Variants in AZIN2 observed in about 807,000 individuals in gnomAD.
AZIN2 encodes the protein antizyme inhibitor 2.
A neutral mutation model predicts 47.8 loss-of-function variants in AZIN2; 28 were observed. The observed-to-expected ratio is 0.59, with a 90% CI of 0.43 to 0.80. The LOEUF is 0.80. AZIN2 is among the 30% of genes least tolerant of loss of function. The pLI is 0.00. For synonymous variants in AZIN2, 221 were observed against 239.4 expected, an observed-to-expected ratio of 0.92 and a Z score of 0.71; for missense variants, 535 against 582.5, an observed-to-expected ratio of 0.92 and a Z score of 0.84.
the AZIN2 span, among the ~76,000 whole-genome samples, chr1:33,133,564 G>A: frequency 6.6e-6 from 1 of 152,034 alleles, no homozygotes; most frequent in Non-Finnish European, 1.5e-5. Flanking sequence ...GAGGAGAGCA[G>A]GGCCGGGATG....
At chr1:33,138,092 GCTCAGGGACTT>G in the AZIN2 span, among the ~76,000 whole-genome samples, 1 of 152,176 alleles carries the variant, frequency 6.6e-6, no homozygotes, top group Admixed American at 6.5e-5. Flanking sequence ...GGAGGCAAGT[GCTCAGGGACTT>G]CTCAGGGCAT....
chr1:33,147,736 G>T, the AZIN2 span: 2 of 1,604,726 alleles, frequency 1.2e-6, no homozygotes, highest in South Asian at 1.1e-5. This position sits in a 1 kb window ranked among gnomAD's most constrained non-coding sequence, Gnocchi z 8.1. Context: ...CACTGTGGGG[G>T]TTGGAGGAGG....
At chr1:33,127,858 C>T (rs1045694973), downstream of AZIN2, among the ~76,000 whole-genome samples, 7 of 152,106 alleles carry the variant, frequency 4.6e-5, no homozygotes, top group Non-Finnish European at 8.8e-5. Context: ...CCTGCTCTCG[C>T]CTTCACTCGC....
At chr1:33,136,676 G>A in the AZIN2 span, among the ~76,000 whole-genome samples, 2 of 151,700 alleles carry the variant, frequency 1.3e-5, no homozygotes, top group Non-Finnish European at 2.9e-5. Flanking sequence ...GGCCCCAGGG[G>A]CTGTTTCCGG....
At chr1:33,086,481 G>A (rs1040903612) in intron 5 of AZIN2, among the ~76,000 whole-genome samples, 5 of 152,190 alleles carry the variant, frequency 3.3e-5, no homozygotes, top group Non-Finnish European at 7.3e-5. Flanking sequence ...CCTTTGGTGC[G>A]CTTCTGGAGA....
intron 6 of AZIN2, 36 bp from the exon 7 acceptor site, chr1:33,093,246 G>A (rs762184670): frequency 6.2e-7 from 1 of 1,611,506 alleles, no homozygotes; most frequent in South Asian, 1.1e-5. Flanking sequence ...GGGCGACAGG[G>A]TTTGTCCAGC....
the AZIN2 span, among the ~76,000 whole-genome samples, chr1:33,144,174 T>G: frequency 1.3e-5 from 2 of 150,792 alleles, no homozygotes; most frequent in Non-Finnish European, 2.9e-5. Context: ...GTTTCGCTCT[T>G]TGCCCAGGCT....
At chr1:33,126,888 G>A (rs1270305680), downstream of AZIN2, among the ~76,000 whole-genome samples, 1 of 152,108 alleles carries the variant, frequency 6.6e-6, no homozygotes, top group Non-Finnish European at 1.5e-5. Flanking sequence ...ATTACTCGTC[G>A]TTTACCTGAA....
Position 33,101,963 on chromosome 1 carries a change from T to A in AZIN2, c.1029+3784T>A, listed in dbSNP as rs374030053. The A allele has an allele frequency of 3.0e-5, 22 of 736,812 alleles. No individual in the cohort carries two copies. The East Asian group carries it at 3.7e-4, about 12-fold the overall frequency. 45.6% of individuals were successfully genotyped at this position (736,812 alleles called of 1,614,324 possible). On this transcript the variant is annotated intron_variant, in intron 10 of 11. Transcript: ENST00000294517. The stretch of plus-strand genomic sequence containing the variant: ...TCAAGGCATTTGGACTGTCTTTGGG[T>A]TTTTGCTACTGTGAATACTGCTGCT...
At chr1:33,123,726 C>T (rs113017757), downstream of AZIN2, among the ~76,000 whole-genome samples, 86 of 151,940 alleles carry the variant, frequency 5.7e-4, no homozygotes, top group African/African-American at 1.9e-3. Flanking sequence ...TGGCAAGGAG[C>T]GGTGGCTTAC....
intron 8 of AZIN2, among the ~76,000 whole-genome samples, chr1:33,095,139 T>C (rs543809122): frequency 6.6e-6 from 1 of 152,334 alleles, no homozygotes; most frequent in Admixed American, 6.5e-5. Context: ...TTACCCACTG[T>C]GAGGTGAAGT....
the AZIN2 span, among the ~76,000 whole-genome samples, chr1:33,159,099 C>T: frequency 0.19 from 28,294 of 151,900 alleles, 3,119 homozygotes; most frequent in South Asian, 0.3. This position sits in a 1 kb window ranked among gnomAD's most constrained non-coding sequence, Gnocchi z 4.2. Flanking sequence ...CCTGCCTCGG[C>T]CTCCCAAAGT....
At chr1:33,100,093 G>A (rs1474047374) in intron 10 of AZIN2, among the ~76,000 whole-genome samples, 1 of 152,110 alleles carries the variant, frequency 6.6e-6, no homozygotes, top group African/African-American at 2.4e-5. Context: ...AGGCAGAGGT[G>A]GTTGGATACC....
chr1:33,103,702 C>T (rs1442857900), intron 10 of AZIN2, among the ~76,000 whole-genome samples: 1 of 152,092 alleles, frequency 6.6e-6, no homozygotes, highest in African/African-American at 2.4e-5. Context: ...GTTCCCAGCA[C>T]CAGACACAGT....
chr1:33,101,703 A>C, intron 10 of AZIN2: 1 of 553,758 alleles, frequency 1.8e-6, no homozygotes, highest in Non-Finnish European at 3.2e-6. Context: ...TTTCTTTTTC[A>C]GTATAGGTTT....
Position 33,122,937 on chromosome 1 carries a change from C to T in AZIN2, c.*2755C>T, listed in dbSNP as rs1644821987. ...CTCCACTCAGCAGCCAGATGCCGTACCTCCTGGGATTCCGTTTCACCAAGA... is the reference window on the plus strand; with the variant it reads ...CTCCACTCAGCAGCCAGATGCCGTATCTCCTGGGATTCCGTTTCACCAAGA... On this transcript the variant is annotated 3_prime_UTR_variant, in exon 12 of 12. Transcript: ENST00000294517. Among the ~76,000 whole-genome samples, 1 of 152,226 alleles carries T rather than the reference C, an allele frequency of 6.6e-6. No homozygotes were observed.
the AZIN2 span, among the ~76,000 whole-genome samples, chr1:33,139,130 A>T: frequency 0.18 from 27,833 of 152,138 alleles, 3,024 homozygotes; most frequent in South Asian, 0.29. Context: ...ATAATTTGTT[A>T]AAAAAGCAAA....
chr1:33,137,811 C>T, the AZIN2 span, among the ~76,000 whole-genome samples: 33 of 151,938 alleles, frequency 2.2e-4, no homozygotes, highest in Non-Finnish European at 4.0e-4. Flanking sequence ...AAGCTGGCCA[C>T]GGTACAAGGG....
intron 10 of AZIN2, among the ~76,000 whole-genome samples, chr1:33,112,394 G>C (rs976840322): frequency 4.6e-5 from 7 of 152,106 alleles, no homozygotes; most frequent in African/African-American, 1.7e-4. Flanking sequence ...ATAAATTATG[G>C]TGTATTCTGT....
Sources: allele counts gnomAD v4.1 joint callset (sites outside exome capture counted in the v4.1 genomes callset), GRCh38; gene constraint gnomAD v4.1.1; non-coding constraint Gnocchi (gnomAD v3.1); transcripts MANE v1.5; gene names NCBI Gene and HGNC (gene_info 2026-07-23, HGNC 2026-07-21).